CECR2: variants seen among roughly 807,000 people sequenced by gnomAD.
CECR2 encodes the protein chromatin remodeling regulator CECR2.
A neutral mutation model predicts 154.5 loss-of-function variants in CECR2; 30 were observed. That is an observed-to-expected ratio of 0.19 (90% CI 0.15 to 0.26). CECR2 has a LOEUF of 0.26. Ranked by LOEUF, CECR2 falls within the 10% of genes least tolerant of loss-of-function variation. The probability of loss-of-function intolerance (pLI) is 1.00; values close to 1 mark genes in which losing one functional copy is unlikely to be tolerated. For synonymous variants in CECR2, 725 were observed against 683.7 expected (o/e 1.06, Z -0.94); for missense variants, 1,743 against 1,829.3 (o/e 0.95, Z 0.86).
At chr22:17,365,117 G>A (rs1011252254), upstream of CECR2, among the ~76,000 whole-genome samples, 1 of 151,666 alleles carries the variant, frequency 6.6e-6, no homozygotes, top group Non-Finnish European at 1.5e-5. Context: ...CTAGCTACTC[G>A]GGAGGCTGAG....
At position 17,532,700 on chromosome 22, in the gene CECR2, C is replaced by CTTTTTTTTTTTT. The variant is rs695634; in HGVS notation, c.1109-4379_1109-4368dup. Among the ~76,000 whole-genome samples, 127 of 35,796 alleles carry CTTTTTTTTTTTT rather than the reference C, an allele frequency of 3.5e-3. 37 individuals are homozygous for CTTTTTTTTTTTT. Among genetic ancestry groups the CTTTTTTTTTTTT allele is most frequent in the Middle Eastern group, 0.036 (1 of 28 alleles). The allele number at this position is 35,796 out of a possible 152,430, so 23.5% of individuals were successfully genotyped here. A position where few individuals can be genotyped will look rare whatever the true frequency, so the allele number is the denominator to read the frequency against. On this transcript the variant is annotated intron_variant, in intron 9 of 18. Coordinates refer to ENST00000262608, the MANE Select transcript of CECR2 (RefSeq NM_001290047.2). The stretch of plus-strand genomic sequence containing the variant: ...CCAAGTAGGTATATTCATTATTATT[C>CTTTTTTTTTTTT]TTTTTTTTTTTTTTTTTTTTTTTTT...
intron 1 of CECR2, among the ~76,000 whole-genome samples, chr22:17,442,201 G>C (rs567390563): frequency 6.6e-6 from 1 of 152,272 alleles, no homozygotes; most frequent in African/African-American, 2.4e-5. Context: ...GTGAAATTCA[G>C]AATTTGGTCC....
In CECR2 at chr22:17,555,816, G is replaced by A. The variant is rs370424990; in HGVS notation, c.*2976G>A. ...CGTGCCGGCTCTCAGTGGTCCCCAGGAGGATGGGGATAGCTGAGATCGTGG... is the reference window on the plus strand; with the variant it reads ...CGTGCCGGCTCTCAGTGGTCCCCAGAAGGATGGGGATAGCTGAGATCGTGG... On this transcript the variant is annotated 3_prime_UTR_variant, in exon 19 of 19. Coordinates refer to ENST00000262608, the MANE Select transcript of CECR2 (RefSeq NM_001290047.2). 3.9e-5 allele frequency: 6 copies of A among 152,280 alleles called. No homozygotes were observed. Among genetic ancestry groups the A allele is most frequent in the African/African-American group, 1.4e-4 (6 of 41,558 alleles). 9.4% of individuals were successfully genotyped at this position (152,280 alleles called of 1,614,324 possible).
intron 1 of CECR2, among the ~76,000 whole-genome samples, chr22:17,407,357 AG>A (rs1418585392): frequency 2.0e-5 from 3 of 152,198 alleles, no homozygotes; most frequent in Non-Finnish European, 4.4e-5. Context: ...GCACTTTGGG[AG>A]GCCAAGGCGG....
At chr22:17,546,270 G>A (rs966533091) in intron 16 of CECR2, among the ~76,000 whole-genome samples, 5 of 151,150 alleles carry the variant, frequency 3.3e-5, no homozygotes, top group Admixed American at 2.0e-4. Flanking sequence ...GGTGGATCAC[G>A]AGGTCAGGAA....
At chr22:17,506,004 C>G (rs2055837783) in intron 7 of CECR2, among the ~76,000 whole-genome samples, 1 of 151,874 alleles carries the variant, frequency 6.6e-6, no homozygotes, top group South Asian at 2.1e-4. Flanking sequence ...GCCACCACAC[C>G]CAGCTAATTA....
At chr22:17,444,307 G>C (rs1328124456) in intron 1 of CECR2, among the ~76,000 whole-genome samples, 6 of 152,160 alleles carry the variant, frequency 3.9e-5, no homozygotes, top group African/African-American at 1.2e-4. Context: ...AACTCTTTTA[G>C]GTTGTCAGGC....
At chr22:17,484,718 A>AGGG (rs2055390016) in intron 2 of CECR2, among the ~76,000 whole-genome samples, 1 of 152,148 alleles carries the variant, frequency 6.6e-6, no homozygotes, top group Non-Finnish European at 1.5e-5. Context: ...TCTCTACTAA[A>AGGG]AATTCAAAAA....
chr22:17,514,522 C>G (rs1238602017), intron 8 of CECR2, among the ~76,000 whole-genome samples: 1 of 152,132 alleles, frequency 6.6e-6, no homozygotes, highest in Non-Finnish European at 1.5e-5. Flanking sequence ...CAACTGACCC[C>G]ACCTTTTAAA....
At chr22:17,411,980 A>G (rs959216933) in intron 1 of CECR2, among the ~76,000 whole-genome samples, 36 of 152,118 alleles carry the variant, frequency 2.4e-4, no homozygotes, top group African/African-American at 8.0e-4. Flanking sequence ...GTTTTTTCCA[A>G]TCTTAAATGG....
intron 1 of CECR2, among the ~76,000 whole-genome samples, chr22:17,447,038 T>G (rs993589582): frequency 2.1e-5 from 3 of 141,520 alleles, no homozygotes; most frequent in African/African-American, 5.7e-5. Flanking sequence ...ACAATCTTTT[T>G]TTTTTTTTTT....
chr22:17,532,055 A>G lies in CECR2; in HGVS notation c.1109-5048A>G, dbSNP rs575712022. ...CATGGTGGTGCATGCCTGTAGTCCC[A>G]GCTACTCGGGAGGCTGAGGTAGGAG... On this transcript the variant is annotated intron_variant, in intron 9 of 18. Transcript: ENST00000262608. 1.3e-4 allele frequency among the ~76,000 whole-genome samples: 20 copies of G among 152,148 alleles called. 1 individual carries two copies. The South Asian group carries it at 3.7e-3, about 28-fold the overall frequency.
chr22:17,531,745 T>C (rs146522133), intron 9 of CECR2, among the ~76,000 whole-genome samples: 1 of 152,330 alleles, frequency 6.6e-6, no homozygotes, highest in Non-Finnish European at 1.5e-5. Context: ...ATAAATTATA[T>C]GTGGGCATAT....
rs1289428921 is a variant in CECR2 at position 17,557,642 on chromosome 22, G to A, written c.*4802G>A. On this transcript the variant is annotated 3_prime_UTR_variant, in exon 19 of 19. Transcript: ENST00000262608. ...CAGAACGGCTGACGAGCAGTTGATT[G>A]TCCTTGCTTGTGTTGTTGACAGGGG... 1 of 114,722 alleles carries A rather than the reference G, an allele frequency of 8.7e-6. No homozygotes were observed. Among genetic ancestry groups the A allele is most frequent in the Non-Finnish European group, 1.6e-5 (1 of 61,806 alleles). 7.1% of individuals were successfully genotyped at this position (114,722 alleles called of 1,614,324 possible).
intron 1 of CECR2, among the ~76,000 whole-genome samples, chr22:17,467,456 T>C (rs2522289): frequency 3.3e-5 from 5 of 151,948 alleles, no homozygotes; most frequent in Non-Finnish European, 5.9e-5. Context: ...AGCAGATTCC[T>C]CAATCTGGCT....
chr22:17,423,450 T>G (rs1168217293), intron 1 of CECR2, among the ~76,000 whole-genome samples: 1 of 151,566 alleles, frequency 6.6e-6, no homozygotes, highest in Non-Finnish European at 1.5e-5. Flanking sequence ...GAAGCTGCAG[T>G]GAGCCAAGAT....
At chr22:17,525,479 G>A (rs576796409) in intron 9 of CECR2, among the ~76,000 whole-genome samples, 3 of 151,726 alleles carry the variant, frequency 2.0e-5, no homozygotes, top group Non-Finnish European at 4.4e-5. Context: ...GGTAGCTCAC[G>A]CCTGTAATCC....
intron 1 of CECR2, among the ~76,000 whole-genome samples, chr22:17,383,812 G>C (rs1470379138): frequency 4.6e-5 from 7 of 151,784 alleles, no homozygotes; most frequent in Admixed American, 6.6e-5. Flanking sequence ...TTACAGACAT[G>C]CACCACCACG....
At chr22:17,393,720 C>T (rs2053764705) in intron 1 of CECR2, among the ~76,000 whole-genome samples, 1 of 152,084 alleles carries the variant, frequency 6.6e-6, no homozygotes, top group Non-Finnish European at 1.5e-5. Context: ...GTTTCTCCAC[C>T]TGGTCTTGAT....
Sources: allele counts gnomAD v4.1 joint callset (sites outside exome capture counted in the v4.1 genomes callset), GRCh38; gene constraint gnomAD v4.1.1; transcripts MANE v1.5; gene names NCBI Gene and HGNC (gene_info 2026-07-23, HGNC 2026-07-21).